ZMAT4: variants seen among roughly 807,000 people sequenced by gnomAD.
ZMAT4 encodes the protein zinc finger matrin-type protein 4.
A neutral mutation model predicts 28.7 loss-of-function variants in ZMAT4; 17 were observed. The observed-to-expected ratio is 0.59, with a 90% CI of 0.41 to 0.89. ZMAT4 has a LOEUF of 0.89. Ranked by LOEUF, ZMAT4 falls within the 40% of genes least tolerant of loss-of-function variation. The pLI is 0.00. For missense variants in ZMAT4, 240 were observed against 283.8 expected (o/e 0.85, Z 1.11); for synonymous variants, 117 against 109.2 (o/e 1.07, Z -0.44).
intron 5 of ZMAT4, among the ~76,000 whole-genome samples, chr8:40,596,569 T>A (rs1311820205): frequency 6.6e-6 from 1 of 152,152 alleles, no homozygotes; most frequent in Non-Finnish European, 1.5e-5. Flanking sequence ...GAGGTCAGGA[T>A]CATCAGGACA....
intron 5 of ZMAT4, among the ~76,000 whole-genome samples, chr8:40,611,400 G>A (rs1585755910): frequency 2.0e-5 from 3 of 151,764 alleles, no homozygotes; most frequent in Non-Finnish European, 4.4e-5. Flanking sequence ...TCACCCAGTG[G>A]CGCGATCTCT....
At chr8:40,636,991 G>A (rs768357621) in intron 5 of ZMAT4, among the ~76,000 whole-genome samples, 5 of 151,804 alleles carry the variant, frequency 3.3e-5, no homozygotes, top group Non-Finnish European at 7.4e-5. Flanking sequence ...CTTTAGCTGA[G>A]ACTTGAAGGT....
intron 3 of ZMAT4, among the ~76,000 whole-genome samples, chr8:40,700,411 C>CTTT (rs1353453005): frequency 1.0e-5 from 1 of 97,320 alleles, no homozygotes; most frequent in African/African-American, 4.4e-5. Context: ...TGCTGCTTTT[C>CTTT]TTTTTTTTTT....
intron 3 of ZMAT4, among the ~76,000 whole-genome samples, chr8:40,758,337 G>T (rs757123570): frequency 1.4e-4 from 22 of 152,128 alleles, no homozygotes; most frequent in African/African-American, 5.1e-4. Flanking sequence ...CACATCAGTC[G>T]TAAGAGAAAG....
intron 5 of ZMAT4, among the ~76,000 whole-genome samples, chr8:40,632,160 T>A (rs747932777): frequency 1.3e-5 from 2 of 152,162 alleles, no homozygotes; most frequent in African/African-American, 4.8e-5. Context: ...GGGTGAAGTA[T>A]TTGGTGCCTG....
At chr8:40,815,420 C>A (rs1192671424) in intron 2 of ZMAT4, among the ~76,000 whole-genome samples, 13 of 152,274 alleles carry the variant, frequency 8.5e-5, no homozygotes, top group Admixed American at 2.0e-4. Context: ...AAAACAGAGT[C>A]AAGGGTCTAC....
intron 3 of ZMAT4, among the ~76,000 whole-genome samples, chr8:40,710,311 A>G (rs1224203414): frequency 1.3e-5 from 2 of 152,212 alleles, no homozygotes; most frequent in African/African-American, 4.8e-5. Flanking sequence ...ATTATTGGAT[A>G]AAGTATATCA....
At chr8:40,788,379 T>C (rs1206466438) in intron 2 of ZMAT4, among the ~76,000 whole-genome samples, 3 of 152,092 alleles carry the variant, frequency 2.0e-5, no homozygotes, top group Non-Finnish European at 4.4e-5. Flanking sequence ...GGTCAGGAGA[T>C]CGAGATCATC....
intron 2 of ZMAT4, among the ~76,000 whole-genome samples, chr8:40,811,055 C>A (rs891067062): frequency 6.6e-6 from 1 of 152,128 alleles, no homozygotes. Context: ...GATCTGGGAA[C>A]CCTCATGTAC....
chr8:40,724,083 G>A (rs1038077525), intron 3 of ZMAT4, among the ~76,000 whole-genome samples: 3 of 151,652 alleles, frequency 2.0e-5, no homozygotes, highest in Non-Finnish European at 2.9e-5. Flanking sequence ...CTTGTCCTTT[G>A]GGCTTGTTCT....
At chr8:40,666,274 A>C (rs1333249148) in intron 5 of ZMAT4, among the ~76,000 whole-genome samples, 1 of 152,164 alleles carries the variant, frequency 6.6e-6, no homozygotes, top group East Asian at 1.9e-4. Flanking sequence ...ATTACATTAC[A>C]TATTCAGGAA....
chr8:40,822,028 T>C (rs746563679), intron 2 of ZMAT4, among the ~76,000 whole-genome samples: 44 of 152,224 alleles, frequency 2.9e-4, no homozygotes, highest in Admixed American at 5.9e-4. Context: ...AAGTGTAATA[T>C]GCAAATATCT....
intron 5 of ZMAT4, among the ~76,000 whole-genome samples, chr8:40,583,538 G>A (rs940593633): frequency 2.0e-5 from 3 of 152,168 alleles, no homozygotes; most frequent in African/African-American, 7.2e-5. Context: ...TGACAAGTCT[G>A]TGAAAAAGTC....
intron 3 of ZMAT4, among the ~76,000 whole-genome samples, chr8:40,759,232 A>AGC (rs904976397): frequency 2.4e-4 from 34 of 140,758 alleles, no homozygotes; most frequent in African/African-American, 8.5e-4. Context: ...CAGTGAGCCG[A>AGC]GGCTGGGCCA....
chr8:40,756,608 C>T (rs1294822264), intron 3 of ZMAT4, among the ~76,000 whole-genome samples: 3 of 146,582 alleles, frequency 2.0e-5, no homozygotes, highest in Non-Finnish European at 3.0e-5. Context: ...AGCATCTGTT[C>T]GGGTTTATGT....
intron 3 of ZMAT4, among the ~76,000 whole-genome samples, chr8:40,721,911 C>T (rs997312258): frequency 1.3e-5 from 2 of 151,978 alleles, no homozygotes; most frequent in African/African-American, 4.8e-5. Context: ...CTGAGAAAAA[C>T]AAGCAATGGG....
chr8:40,637,308 T>C (rs1585794272), intron 5 of ZMAT4, among the ~76,000 whole-genome samples: 2 of 152,232 alleles, frequency 1.3e-5, no homozygotes, highest in Middle Eastern at 6.8e-3. Context: ...ACAATAAAAG[T>C]CAACAGTTAA....
intron 5 of ZMAT4, among the ~76,000 whole-genome samples, chr8:40,619,001 G>A (rs779155105): frequency 6.6e-6 from 1 of 152,216 alleles, no homozygotes; most frequent in South Asian, 2.1e-4. Flanking sequence ...CTCTGGGAGC[G>A]AGTGTAAAGG....
intron 5 of ZMAT4, among the ~76,000 whole-genome samples, chr8:40,601,606 GA>G (rs1161254283): frequency 5.6e-5 from 1 of 17,980 alleles, no homozygotes; most frequent in Non-Finnish European, 1.7e-4. Flanking sequence ...AAGAAAGAAA[GA>G]AAGAAAGAAA....
Sources: allele counts gnomAD v4.1 joint callset (sites outside exome capture counted in the v4.1 genomes callset), GRCh38; gene constraint gnomAD v4.1.1; transcripts MANE v1.5; gene names NCBI Gene and HGNC (gene_info 2026-07-23, HGNC 2026-07-21).